ALCAM: variants seen among roughly 807,000 people sequenced by gnomAD.
ALCAM encodes activated leukocyte cell adhesion molecule.
ALCAM carries 30 observed loss-of-function variants against 70.9 expected under a neutral mutation model. That is an observed-to-expected ratio of 0.42 (90% CI 0.32 to 0.57). The LOEUF (loss-of-function observed/expected upper bound fraction) is 0.57, where lower values mean the gene tolerates loss of function less well. ALCAM is among the 20% of genes least tolerant of loss of function. ALCAM has a pLI of 0.11. For synonymous variants in ALCAM, 249 were observed against 242.5 expected (o/e 1.03, Z -0.25); for missense variants, 591 against 695.1 (o/e 0.85, Z 1.68).
chr3:105,406,448 T>G (rs1483954512), intron 1 of ALCAM, among the ~76,000 whole-genome samples: 1 of 152,166 alleles, frequency 6.6e-6, no homozygotes, highest in Non-Finnish European at 1.5e-5. Flanking sequence ...GCTTTTAATA[T>G]TTAACTTAAC....
chr3:105,568,067 T>TTA (rs1940784822), intron 14 of ALCAM, among the ~76,000 whole-genome samples: 1 of 136,812 alleles, frequency 7.3e-6, no homozygotes, highest in African/African-American at 3.1e-5. Context: ...TATTTTATTT[T>TTA]TTTTTTTTTT....
chr3:105,374,449 A>G (rs1935326723), intron 1 of ALCAM, among the ~76,000 whole-genome samples: 1 of 152,134 alleles, frequency 6.6e-6, no homozygotes, highest in African/African-American at 2.4e-5. Flanking sequence ...CATATAGTAA[A>G]CTTTCCCATG....
intron 1 of ALCAM, among the ~76,000 whole-genome samples, chr3:105,509,753 T>A (rs996760048): frequency 6.6e-6 from 1 of 152,112 alleles, no homozygotes; most frequent in Admixed American, 6.6e-5. Flanking sequence ...GTATTTTAAT[T>A]TTGTTGCCTG....
chr3:105,509,706 G>A (rs536440010), intron 1 of ALCAM, among the ~76,000 whole-genome samples: 1 of 151,832 alleles, frequency 6.6e-6, no homozygotes, highest in Non-Finnish European at 1.5e-5. Flanking sequence ...TTCCTCTGCT[G>A]TGTAGAAGCT....
chr3:105,442,730 G>A (rs1468973261), intron 1 of ALCAM, among the ~76,000 whole-genome samples: 8 of 151,884 alleles, frequency 5.3e-5, no homozygotes, highest in African/African-American at 7.2e-5. Context: ...GCAGTGAGCC[G>A]AGATCGCACC....
intron 1 of ALCAM, among the ~76,000 whole-genome samples, chr3:105,442,564 G>A (rs1006397405): frequency 6.6e-6 from 1 of 151,988 alleles, no homozygotes; most frequent in African/African-American, 2.4e-5. Context: ...GGTGGATCAC[G>A]AGGTCAGGAG....
chr3:105,409,674 A>G (rs1458032736), intron 1 of ALCAM, among the ~76,000 whole-genome samples: 1 of 152,068 alleles, frequency 6.6e-6, no homozygotes, highest in East Asian at 1.9e-4. Context: ...TCATGTAACC[A>G]AACACCACCT....
At chr3:105,406,750 T>C (rs983538197) in intron 1 of ALCAM, among the ~76,000 whole-genome samples, 3 of 144,040 alleles carry the variant, frequency 2.1e-5, no homozygotes, top group Admixed American at 6.8e-5. Flanking sequence ...AATAAAAAGA[T>C]AAATGAAAAA....
chr3:105,549,245 A>C (rs1264704705), intron 11 of ALCAM, among the ~76,000 whole-genome samples: 2 of 151,364 alleles, frequency 1.3e-5, no homozygotes, highest in African/African-American at 4.8e-5. Context: ...TCACAATTTT[A>C]TTTGTTCCCT....
chr3:105,505,859 A>G (rs1176187116), intron 1 of ALCAM, among the ~76,000 whole-genome samples: 1 of 152,174 alleles, frequency 6.6e-6, no homozygotes, highest in Non-Finnish European at 1.5e-5. Context: ...TTTCATTTTC[A>G]AAAGATTTTA....
At chr3:105,495,946 A>G (rs928972834) in intron 1 of ALCAM, among the ~76,000 whole-genome samples, 1 of 152,222 alleles carries the variant, frequency 6.6e-6, no homozygotes, top group Non-Finnish European at 1.5e-5. Context: ...TCAAAGCCCA[A>G]ATAGTTCCAT....
chr3:105,559,987 T>C (rs1940598728), intron 14 of ALCAM, among the ~76,000 whole-genome samples: 1 of 152,138 alleles, frequency 6.6e-6, no homozygotes, highest in Non-Finnish European at 1.5e-5. Context: ...TACTTTCCAG[T>C]TTGGGCTACT....
chr3:105,553,598 G>A (rs561895976), intron 14 of ALCAM, among the ~76,000 whole-genome samples: 2 of 151,904 alleles, frequency 1.3e-5, no homozygotes, highest in Non-Finnish European at 2.9e-5. Context: ...ATCTCACCTT[G>A]TAAAGATGCC....
chr3:105,537,892 A>G (rs1039656277), intron 6 of ALCAM, among the ~76,000 whole-genome samples: 13 of 152,142 alleles, frequency 8.5e-5, no homozygotes, highest in Non-Finnish European at 1.8e-4. Flanking sequence ...ATAAATGAAG[A>G]AGGACTGTAG....
chr3:105,453,572 A>C (rs1028705220), intron 1 of ALCAM, among the ~76,000 whole-genome samples: 1 of 152,180 alleles, frequency 6.6e-6, no homozygotes, highest in Non-Finnish European at 1.5e-5. Flanking sequence ...TTTTGATTCC[A>C]TATGAAATTT....
chr3:105,450,831 A>G (rs1318313147), intron 1 of ALCAM, among the ~76,000 whole-genome samples: 1 of 152,176 alleles, frequency 6.6e-6, no homozygotes, highest in African/African-American at 2.4e-5. Context: ...TAGTATGTAA[A>G]TTTAGAAGGG....
At chr3:105,554,127 T>C (rs1016757262) in intron 14 of ALCAM, among the ~76,000 whole-genome samples, 1 of 151,744 alleles carries the variant, frequency 6.6e-6, no homozygotes, top group Admixed American at 6.6e-5. Context: ...AGTTTTATTA[T>C]AAGAAATTGA....
intron 11 of ALCAM, 54 bp from the exon 12 acceptor site, chr3:105,550,073 A>G (rs1018403121): frequency 1.3e-6 from 2 of 1,490,750 alleles, no homozygotes; most frequent in Non-Finnish European, 1.8e-6. Flanking sequence ...ACTCTTTCCT[A>G]TGCTTTTTAA....
In ALCAM at chr3:105,540,595, C is replaced by T. The variant is rs569098447; in HGVS notation, c.858+493C>T. On this transcript the variant is annotated intron_variant, in intron 7 of 15. Transcript: ENST00000306107. ...CCATTTCCTCAACTTTTCTCCATAT[C>T]ATAGCTGAAGGAAATGATATGCATA... Among the ~76,000 whole-genome samples, 5 of 152,118 alleles carry T rather than the reference C, an allele frequency of 3.3e-5. No homozygotes were observed. In the East Asian group the frequency reaches 9.7e-4, roughly 30 times the overall value.
Sources: gnomAD v4.1 joint callset for allele counts (sites outside exome capture counted in the v4.1 genomes callset) on GRCh38, gnomAD v4.1.1 for gene constraint, MANE v1.5 for transcripts, NCBI Gene and HGNC (gene_info 2026-07-23, HGNC 2026-07-21) for gene names.